The following SUPT3H variants were observed in gnomAD, a reference collection of about 807,000 sequenced individuals.
SUPT3H encodes SPT3 homolog, SAGA and STAGA complex component.
Under a neutral mutation model 44.3 loss-of-function variants are expected in SUPT3H, and 44 were observed. That is an observed-to-expected ratio of 0.99 (90% confidence interval 0.78 to 1.28). SUPT3H has a LOEUF of 1.28. Among genes scored for constraint, SUPT3H ranks in the 50% most tolerant of loss-of-function variants. The pLI, the probability that SUPT3H is intolerant of heterozygous loss-of-function variation, is 0.00. For missense variants in SUPT3H, 380 were observed against 387.1 expected (o/e 0.98, Z 0.15); for synonymous variants, 124 against 125.6 (o/e 0.99, Z 0.09).
chr6:44,892,455 T>A (rs1235585170), intron 10 of SUPT3H, among the ~76,000 whole-genome samples: 1 of 152,122 alleles, frequency 6.6e-6, no homozygotes, highest in Non-Finnish European at 1.5e-5. Flanking sequence ...TTTCAGCCTC[T>A]AGAACTGAGG....
chr6:45,366,101 G>A (rs901865870), intron 1 of SUPT3H, among the ~76,000 whole-genome samples: 2 of 152,032 alleles, frequency 1.3e-5, no homozygotes, highest in Non-Finnish European at 2.9e-5. Flanking sequence ...TATTATACTG[G>A]AAGTGCTCAA....
chr6:45,346,070 G>C (rs1027415175), intron 2 of SUPT3H, among the ~76,000 whole-genome samples: 4 of 151,976 alleles, frequency 2.6e-5, no homozygotes, highest in African/African-American at 9.7e-5. Context: ...ATTTTCACTG[G>C]CTTTCATCCT....
chr6:45,293,513 C>A (rs898449437), intron 2 of SUPT3H, among the ~76,000 whole-genome samples: 5 of 136,258 alleles, frequency 3.7e-5, no homozygotes, highest in Non-Finnish European at 3.4e-5. Context: ...GAAACTGAAA[C>A]AATCAAAAAA....
In SUPT3H at chr6:45,237,125, CAAAT is replaced by C. The variant is rs1177857293; in HGVS notation, c.101+128072_101+128075del. 3.3e-5 allele frequency among the ~76,000 whole-genome samples: 5 copies of C among 152,202 alleles called. No homozygotes were observed. The East Asian group carries it at 9.7e-4, about 29-fold the overall frequency. On this transcript the variant is annotated intron_variant, in intron 2 of 10. Coordinates refer to ENST00000371459, the MANE Select transcript of SUPT3H (RefSeq NM_003599.4). ...AAACGAATAGGAGGATTTGGAAACA[CAAAT>C]AAACAAGGCAAAGCAGCTTATTGGG...
intron 3 of SUPT3H, among the ~76,000 whole-genome samples, chr6:45,021,329 A>C (rs72867449): frequency 0.015 from 2,213 of 152,058 alleles, 25 homozygotes; most frequent in South Asian, 0.029. Context: ...TCAGGAATTC[A>C]TAAGTCCTAG....
At chr6:45,231,321 A>G (rs896394414) in intron 2 of SUPT3H, among the ~76,000 whole-genome samples, 1 of 152,142 alleles carries the variant, frequency 6.6e-6, no homozygotes, top group Non-Finnish European at 1.5e-5. Context: ...TGTCTGGAAA[A>G]GACTTTATTT....
At chr6:45,173,597 C>A (rs1022788303) in intron 2 of SUPT3H, among the ~76,000 whole-genome samples, 1 of 152,200 alleles carries the variant, frequency 6.6e-6, no homozygotes, top group Non-Finnish European at 1.5e-5. Flanking sequence ...ACATCTGACA[C>A]CTGTAGTAGA....
chr6:44,996,693 C>G (rs1408600228), intron 6 of SUPT3H, among the ~76,000 whole-genome samples: 1 of 151,878 alleles, frequency 6.6e-6, no homozygotes, highest in African/African-American at 2.4e-5. Flanking sequence ...GTGTATTTGA[C>G]AACATCTTGA....
chr6:45,282,183 C>T (rs949214716), intron 2 of SUPT3H, among the ~76,000 whole-genome samples: 94 of 152,302 alleles, frequency 6.2e-4, no homozygotes, highest in African/African-American at 2.1e-3. Context: ...CAGAGCACCT[C>T]TCCTCCTCTA....
intron 2 of SUPT3H, among the ~76,000 whole-genome samples, chr6:45,166,424 T>TA (rs200343237): frequency 0.011 from 1,711 of 151,614 alleles, 18 homozygotes; most frequent in Non-Finnish European, 0.016. Context: ...CCGTCTCTAC[T>TA]AAAAAATACA....
intron 2 of SUPT3H, among the ~76,000 whole-genome samples, chr6:45,354,485 TCA>T: frequency 6.6e-6 from 1 of 152,240 alleles, no homozygotes; most frequent in Middle Eastern, 3.4e-3. Context: ...TCTTTTTTGC[TCA>T]TCTGTGTGAG....
At chr6:44,851,884 G>A (rs1772945947) in intron 10 of SUPT3H, among the ~76,000 whole-genome samples, 2 of 152,088 alleles carry the variant, frequency 1.3e-5, no homozygotes, top group African/African-American at 2.4e-5. Context: ...TGGGAAAATC[G>A]AAAACTGACT....
At chr6:44,934,904 T>C (rs1037932643) in intron 9 of SUPT3H, among the ~76,000 whole-genome samples, 1 of 152,218 alleles carries the variant, frequency 6.6e-6, no homozygotes, top group African/African-American at 2.4e-5. Flanking sequence ...GACTGCCATT[T>C]GTAAGATATG....
chr6:45,287,638 G>C (rs1280094872), intron 2 of SUPT3H, among the ~76,000 whole-genome samples: 1 of 152,100 alleles, frequency 6.6e-6, no homozygotes, highest in Non-Finnish European at 1.5e-5. Flanking sequence ...ATTGTTTAAT[G>C]GTTGCCAAAT....
chr6:45,028,143 C>T (rs1344204921), intron 3 of SUPT3H, among the ~76,000 whole-genome samples: 3 of 151,898 alleles, frequency 2.0e-5, no homozygotes, highest in Non-Finnish European at 4.4e-5. Flanking sequence ...GTTTGTTTTC[C>T]TGAAATGTCT....
At chr6:45,281,967 C>A (rs1380643804) in intron 2 of SUPT3H, among the ~76,000 whole-genome samples, 4 of 152,160 alleles carry the variant, frequency 2.6e-5, no homozygotes, top group Non-Finnish European at 5.9e-5. Flanking sequence ...TGCTGATACC[C>A]AGGCAAACAG....
intron 2 of SUPT3H, among the ~76,000 whole-genome samples, chr6:45,307,286 A>C (rs1055390359): frequency 1.3e-5 from 2 of 152,202 alleles, no homozygotes; most frequent in African/African-American, 4.8e-5. Flanking sequence ...CTCCCAGCAC[A>C]CAGCTGGAGG....
At chr6:44,902,120 G>A (rs1256789261) in intron 10 of SUPT3H, among the ~76,000 whole-genome samples, 2 of 152,066 alleles carry the variant, frequency 1.3e-5, no homozygotes, top group African/African-American at 4.8e-5. Flanking sequence ...ATCAACTAAC[G>A]AGCAAAATCA....
At chr6:45,137,702 C>G (rs1053047378) in intron 2 of SUPT3H, among the ~76,000 whole-genome samples, 1 of 151,376 alleles carries the variant, frequency 6.6e-6, no homozygotes, top group Non-Finnish European at 1.5e-5. Context: ...ATTTATTTAA[C>G]AGAAAGGCAA....
Sources: gnomAD v4.1 joint callset for allele counts (sites outside exome capture counted in the v4.1 genomes callset) on GRCh38, gnomAD v4.1.1 for gene constraint, MANE v1.5 for transcripts, NCBI Gene and HGNC (gene_info 2026-07-23, HGNC 2026-07-21) for gene names.